Variants in LOXHD1 observed in about 807,000 individuals in gnomAD.
The protein encoded by LOXHD1 is lipoxygenase homology domain-containing protein 1.
In LOXHD1, 205 loss-of-function variants were observed where a neutral mutation model predicts 248.2. That is an observed-to-expected ratio of 0.83 (90% CI 0.74 to 0.93). The LOEUF (loss-of-function observed/expected upper bound fraction) is 0.93, where lower values mean the gene tolerates loss of function less well. Among genes scored for constraint, LOXHD1 ranks in the 40% least tolerant of loss-of-function variants. LOXHD1 has a pLI of 0.00. For missense variants in LOXHD1, 2,930 were observed against 2,971.6 expected, an observed-to-expected ratio of 0.99 and a Z score of 0.33; for synonymous variants, 1,113 against 1,162.8, an observed-to-expected ratio of 0.96 and a Z score of 0.87.
At chr18:46,588,273 T>C (rs531587303) in intron 12 of LOXHD1, among the ~76,000 whole-genome samples, 34 of 152,106 alleles carry the variant, frequency 2.2e-4, no homozygotes, top group Non-Finnish European at 3.7e-4. Flanking sequence ...CAAGTTTGTT[T>C]GGGCTCTGAA....
intron 34 of LOXHD1, among the ~76,000 whole-genome samples, chr18:46,512,585 T>C (rs542610572): frequency 6.6e-6 from 1 of 152,366 alleles, no homozygotes; most frequent in East Asian, 1.9e-4. Context: ...CTCTGGGCTG[T>C]GGGCAAAATG....
In LOXHD1 at chr18:46,483,619, G is replaced by A. The variant is rs754497626; in HGVS notation, c.6309C>T (p.Thr2103=). 18 of 1,551,558 alleles carry A rather than the reference G, an allele frequency of 1.2e-5. No individual in the cohort carries two copies. Among genetic ancestry groups the A allele is most frequent in the Non-Finnish European group, 1.5e-5 (17 of 1,146,952 alleles). The change falls in exon 40 of 41, where the codon ACC becomes ACT. Residue 2103 remains threonine (T), a synonymous_variant. Transcript: ENST00000642948. ...PKRELAWHVK[T]ITITEMEYGN... ...CGTACTCCATCTCGGTGATGGTGAT[G>A]GTCTTGACATGCCAGGCAAGTTCTC...
At position 46,627,958 on chromosome 18, in the gene LOXHD1, C is replaced by G. The variant is rs576860251; in HGVS notation, c.512-9668G>C. Among the ~76,000 whole-genome samples, 9 of 152,310 alleles carry G rather than the reference C, an allele frequency of 5.9e-5. No individual in the cohort carries two copies. In the East Asian group the frequency reaches 1.7e-3, roughly 29 times the overall value. On this transcript the variant is annotated intron_variant, in intron 4 of 40. Coordinates refer to ENST00000642948, the MANE Select transcript of LOXHD1 (RefSeq NM_001384474.1). The stretch of plus-strand genomic sequence containing the variant: ...GACTCTAAGCTCCTAGAGAGAAGGG[C>G]CTGTATGTAATCACCCTGAGCGCAG...
intron 3 of LOXHD1, among the ~76,000 whole-genome samples, chr18:46,641,450 C>T (rs2038962210): frequency 2.0e-5 from 3 of 152,220 alleles, no homozygotes. Context: ...ACTGCGGATG[C>T]TCTCTGTCCA....
At chr18:46,572,493 G>A (rs572798860) in intron 14 of LOXHD1, among the ~76,000 whole-genome samples, 1 of 152,256 alleles carries the variant, frequency 6.6e-6, no homozygotes, top group East Asian at 1.9e-4. Context: ...AACAGAGCCC[G>A]CAGGAGTTGA....
intron 33 of LOXHD1, among the ~76,000 whole-genome samples, chr18:46,519,491 G>A (rs2035455896): frequency 6.6e-6 from 1 of 152,162 alleles, no homozygotes. Flanking sequence ...TGGCCCGCAG[G>A]AGAAATTCAG....
intron 35 of LOXHD1, 123 bp from the exon 36 acceptor site, chr18:46,507,835 T>C (rs2034680630): frequency 2.0e-5 from 20 of 1,020,060 alleles, no homozygotes; most frequent in Non-Finnish European, 2.7e-5. Flanking sequence ...GACAAGCGCT[T>C]GCGACTGAGA....
intron 2 of LOXHD1, among the ~76,000 whole-genome samples, chr18:46,648,220 C>G (rs759111873): frequency 6.6e-6 from 1 of 151,938 alleles, no homozygotes; most frequent in Non-Finnish European, 1.5e-5. Flanking sequence ...ATTGCACCAC[C>G]GCACTCCAGC....
chr18:46,579,484 C>T (rs530138979), intron 13 of LOXHD1, 146 bp downstream of exon 13: 1 of 1,085,020 alleles, frequency 9.2e-7, no homozygotes, highest in Non-Finnish European at 1.3e-6. Flanking sequence ...TCCCCAGTTC[C>T]CCGCCCCCTT....
intron 29 of LOXHD1, among the ~76,000 whole-genome samples, 170 bp downstream of exon 29, chr18:46,529,007 G>C (rs910277053): frequency 6.6e-6 from 1 of 152,102 alleles, no homozygotes; most frequent in Non-Finnish European, 1.5e-5. Flanking sequence ...TCAGCTAGGA[G>C]AGGGGAATAA....
At chr18:46,481,480 C>T (rs1429274706) in intron 40 of LOXHD1, among the ~76,000 whole-genome samples, 1 of 152,194 alleles carries the variant, frequency 6.6e-6, no homozygotes, top group East Asian at 1.9e-4. Flanking sequence ...GACACCCCTG[C>T]CATCGTCCCT....
At chr18:46,522,646 G>A (rs887984488) in intron 31 of LOXHD1, among the ~76,000 whole-genome samples, 7 of 152,186 alleles carry the variant, frequency 4.6e-5, no homozygotes, top group Non-Finnish European at 8.8e-5. Flanking sequence ...CTCTCACCAC[G>A]TATAGGCATT....
chr18:46,540,654 C>CTTTTTTTTTTTTTT (rs60099172), intron 25 of LOXHD1, among the ~76,000 whole-genome samples: 5 of 91,402 alleles, frequency 5.5e-5, no homozygotes, highest in Admixed American at 1.5e-4. Flanking sequence ...AACTCTTTAT[C>CTTTTTTTTTTTTTT]TTTTTTTTTT....
intron 5 of LOXHD1, among the ~76,000 whole-genome samples, chr18:46,614,208 CCCATTACTGGGTATATACCCAA>C (rs1431605358): frequency 1.3e-5 from 2 of 152,200 alleles, no homozygotes; most frequent in Non-Finnish European, 2.9e-5. Flanking sequence ...ACCCAGCCAT[CCCATTACTGGGTATATACCCAA>C]AGGATTATAA....
intron 2 of LOXHD1, 91 bp downstream of exon 2, chr18:46,649,064 C>T: frequency 9.7e-7 from 1 of 1,027,238 alleles, no homozygotes; most frequent in Non-Finnish European, 1.5e-6. Flanking sequence ...GATGTGCCTT[C>T]TCCCCAGAGA....
intron 1 of LOXHD1, among the ~76,000 whole-genome samples, chr18:46,652,646 T>C (rs2039126986): frequency 6.6e-6 from 1 of 152,224 alleles, no homozygotes; most frequent in Non-Finnish European, 1.5e-5. Context: ...TGCTCACTTG[T>C]GACCCAGCAA....
intron 10 of LOXHD1, 55 bp downstream of exon 10, chr18:46,593,545 A>G (rs893231678): frequency 6.5e-7 from 1 of 1,534,948 alleles, no homozygotes; most frequent in African/African-American, 1.4e-5. Flanking sequence ...CCCAGGACGA[A>G]TGCCCTACAT....
Position 46,483,607 on chromosome 18 carries a change from G to T in LOXHD1, c.6321C>A (p.Thr2107=). The T allele has an allele frequency of 6.4e-7, 1 of 1,551,654 alleles. No individual in the cohort carries two copies. Among genetic ancestry groups the T allele is most frequent in the Non-Finnish European group, 8.7e-7 (1 of 1,146,994 alleles). ...CATACACATTGCCGTACTCCATCTC[G>T]GTGATGGTGATGGTCTTGACATGCC... ...LAWHVKTITI[T]EMEYGNVYFF... Residue 2107 remains threonine (T), a synonymous_variant, in exon 40 of 41, where the codon ACC becomes ACA. Transcript: ENST00000642948.
rs758827487 is a variant in LOXHD1, at chr18:46,477,407, G to C, written c.*65C>G. 3 of 1,526,298 alleles carry C rather than the reference G, an allele frequency of 2.0e-6. No individual in the cohort carries two copies. The South Asian group carries it at 3.8e-5, about 19-fold the overall frequency. 94.5% of individuals were successfully genotyped at this position (1,526,298 alleles called of 1,614,324 possible). A position where few individuals can be genotyped will look rare whatever the true frequency, so the allele number is the denominator to read the frequency against. On this transcript the variant is annotated 3_prime_UTR_variant, in exon 41 of 41. Transcript: ENST00000642948. ...TAGAGGCTTTGAAGGGCTGCTGACC[G>C]CCAAGGTGGAGGGCAGAAATGTGAG...
Sources: allele counts gnomAD v4.1 joint callset (sites outside exome capture counted in the v4.1 genomes callset), GRCh38; gene constraint gnomAD v4.1.1; transcripts MANE v1.5; gene names NCBI Gene and HGNC (gene_info 2026-07-23, HGNC 2026-07-21).